MIPOL1: variants seen among roughly 807,000 people sequenced by gnomAD.
MIPOL1 encodes mirror-image polydactyly 1.
In MIPOL1, 57 loss-of-function variants were observed where a neutral mutation model predicts 60.9. That is an observed-to-expected ratio of 0.94 (90% CI 0.76 to 1.17). MIPOL1 has a LOEUF of 1.17. Among genes scored for constraint, MIPOL1 ranks in the 50% most tolerant of loss-of-function variants. The pLI, the probability that MIPOL1 is intolerant of heterozygous loss-of-function variation, is 0.00. For synonymous variants in MIPOL1, 179 were observed against 168.8 expected (o/e 1.06, Z -0.47); for missense variants, 551 against 511.6 (o/e 1.08, Z -0.74).
chr14:37,284,267 C>T (rs2084365751), intron 6 of MIPOL1, among the ~76,000 whole-genome samples: 1 of 152,060 alleles, frequency 6.6e-6, no homozygotes, highest in African/African-American at 2.4e-5. Flanking sequence ...TCCCCTTCCA[C>T]CTTCCCACTG....
intron 10 of MIPOL1, among the ~76,000 whole-genome samples, chr14:37,386,610 C>G (rs1318650257): frequency 2.0e-5 from 3 of 151,776 alleles, no homozygotes; most frequent in Non-Finnish European, 4.4e-5. Context: ...TATGTCCTTC[C>G]CAAGCTCACT....
At chr14:37,213,595 A>G (rs2139354007) in intron 1 of MIPOL1, among the ~76,000 whole-genome samples, 1 of 152,326 alleles carries the variant, frequency 6.6e-6, no homozygotes, top group East Asian at 1.9e-4. Context: ...TCAAAGGGCA[A>G]ATCTAAGAGG....
intron 7 of MIPOL1, among the ~76,000 whole-genome samples, chr14:37,287,944 A>T (rs2084715383): frequency 6.6e-6 from 1 of 151,974 alleles, no homozygotes; most frequent in African/African-American, 2.4e-5. Context: ...TTTCTCGTAA[A>T]TTGTTTCAAT....
chr14:37,530,097 A>G (rs1296331536), intron 12 of MIPOL1, among the ~76,000 whole-genome samples: 1 of 152,190 alleles, frequency 6.6e-6, no homozygotes, highest in African/African-American at 2.4e-5. Context: ...CAAACAATGT[A>G]CTGATGTAGG....
At chr14:37,421,665 C>T (rs1359534738) in intron 10 of MIPOL1, among the ~76,000 whole-genome samples, 2 of 152,000 alleles carry the variant, frequency 1.3e-5, no homozygotes, top group East Asian at 3.9e-4. Flanking sequence ...ATAGAATTTA[C>T]CAGTTCAGAG....
intron 9 of MIPOL1, among the ~76,000 whole-genome samples, chr14:37,329,490 T>A (rs2089489271): frequency 1.3e-5 from 2 of 152,188 alleles, no homozygotes; most frequent in African/African-American, 2.4e-5. Context: ...ATACGAACTT[T>A]TAGTTTTAGC....
intron 12 of MIPOL1, among the ~76,000 whole-genome samples, chr14:37,530,378 T>G (rs536244362): frequency 6.6e-6 from 1 of 152,226 alleles, no homozygotes; most frequent in East Asian, 1.9e-4. Flanking sequence ...ATGGCAGATA[T>G]AAAACTCATC....
intron 1 of MIPOL1, among the ~76,000 whole-genome samples, chr14:37,213,394 G>A (rs1365028730): frequency 6.6e-6 from 1 of 152,144 alleles, no homozygotes; most frequent in Non-Finnish European, 1.5e-5. Context: ...GAGTCAAGCA[G>A]AAATTCTAGA....
At chr14:37,324,793 G>A (rs2088972980) in intron 9 of MIPOL1, among the ~76,000 whole-genome samples, 1 of 152,010 alleles carries the variant, frequency 6.6e-6, no homozygotes. Context: ...AGCATTATTT[G>A]TTGAGAGATG....
intron 9 of MIPOL1, among the ~76,000 whole-genome samples, chr14:37,361,610 C>CTTTT (rs71127213): frequency 2.4e-5 from 2 of 82,548 alleles, no homozygotes; most frequent in Admixed American, 1.7e-4. Flanking sequence ...CCCTCTCTCT[C>CTTTT]TTTTTTTTTT....
intron 10 of MIPOL1, among the ~76,000 whole-genome samples, chr14:37,384,940 C>T (rs2093025629): frequency 6.6e-6 from 1 of 151,920 alleles, no homozygotes; most frequent in Admixed American, 6.6e-5. Context: ...TTTCTGTCTT[C>T]TATTTTTCTC....
chr14:37,475,920 A>G (rs2094766265), intron 11 of MIPOL1, among the ~76,000 whole-genome samples: 1 of 152,190 alleles, frequency 6.6e-6, no homozygotes, highest in Admixed American at 6.5e-5. Context: ...TTGCCTCCCC[A>G]CATAAGCTTT....
chr14:37,359,028 A>T (rs573189349), intron 9 of MIPOL1, among the ~76,000 whole-genome samples: 2 of 152,276 alleles, frequency 1.3e-5, no homozygotes, highest in African/African-American at 2.4e-5. Context: ...TAAGGAAGGG[A>T]TCCAGTTTCA....
chr14:37,228,102 A>C (rs1049110469), intron 1 of MIPOL1, among the ~76,000 whole-genome samples: 1 of 152,028 alleles, frequency 6.6e-6, no homozygotes, highest in Non-Finnish European at 1.5e-5. Flanking sequence ...TGCTTGGGCT[A>C]TTGCTGTGGA....
At chr14:37,404,776 A>C (rs2093556224) in intron 10 of MIPOL1, among the ~76,000 whole-genome samples, 1 of 152,206 alleles carries the variant, frequency 6.6e-6, no homozygotes, top group African/African-American at 2.4e-5. Flanking sequence ...ACTGCAGAGC[A>C]GCTGGCTGTT....
chr14:37,233,816 TAAG>T (rs535286666), intron 1 of MIPOL1, among the ~76,000 whole-genome samples: 25 of 152,198 alleles, frequency 1.6e-4, no homozygotes, highest in Non-Finnish European at 3.4e-4. Context: ...ACTTTCATAA[TAAG>T]CAGATGTTAT....
intron 3 of MIPOL1, among the ~76,000 whole-genome samples, chr14:37,266,131 C>T (rs1295311878): frequency 6.6e-6 from 1 of 152,118 alleles, no homozygotes; most frequent in Non-Finnish European, 1.5e-5. Context: ...TATTGGGAAG[C>T]TTCTGCATCT....
At chr14:37,284,468 T>C (rs8018769) in intron 6 of MIPOL1, among the ~76,000 whole-genome samples, 151,104 of 152,140 alleles carry the variant, frequency 0.99, 75,046 homozygotes, top group Middle Eastern at 1. Context: ...CTCAGCCTCC[T>C]GAGTAGCTGG....
At chr14:37,460,203 G>C in intron 11 of MIPOL1, among the ~76,000 whole-genome samples, 1 of 152,102 alleles carries the variant, frequency 6.6e-6, no homozygotes, top group African/African-American at 2.4e-5. Flanking sequence ...GGCAAAGATG[G>C]TTCAACATAT....
Sources: allele counts gnomAD v4.1 joint callset (sites outside exome capture counted in the v4.1 genomes callset), GRCh38; gene constraint gnomAD v4.1.1; transcripts MANE v1.5; gene names NCBI Gene and HGNC (gene_info 2026-07-23, HGNC 2026-07-21).